STIM2: variants seen among roughly 807,000 people sequenced by gnomAD.
The protein encoded by STIM2 is stromal interaction molecule 2.
In STIM2, 31 loss-of-function variants were observed where a neutral mutation model predicts 85.8. The ratio of observed to expected loss-of-function variants is 0.36; its 90% confidence interval spans 0.27 to 0.49. The LOEUF (loss-of-function observed/expected upper bound fraction) is 0.49, where lower values mean the gene tolerates loss of function less well. STIM2 is among the 20% of genes least tolerant of loss of function. The pLI, the probability that STIM2 is intolerant of heterozygous loss-of-function variation, is 0.98. For synonymous variants in STIM2, 356 were observed against 331.1 expected, an observed-to-expected ratio of 1.08 and a Z score of -0.82; for missense variants, 841 against 927.6, an observed-to-expected ratio of 0.91 and a Z score of 1.21.
chr4:26,892,933 C>T (rs1238938337), intron 1 of STIM2, among the ~76,000 whole-genome samples: 1 of 152,188 alleles, frequency 6.6e-6, no homozygotes, highest in African/African-American at 2.4e-5. Flanking sequence ...AGTGAAACCA[C>T]ATCTGGTACA....
rs554645400 is a variant in STIM2 at position 26,893,204 on chromosome 4, C to T, written c.152-26300C>T. 1.4e-4 allele frequency among the ~76,000 whole-genome samples: 21 copies of T among 152,268 alleles called. No homozygotes were observed. The East Asian group carries it at 2.9e-3, about 21-fold the overall frequency. ...ATGAATAATAAAGGGAACCATTAAA[C>T]CACCTTCAGGTCATGAAATAGAACT... On this transcript the variant is annotated intron_variant, in intron 1 of 11. Transcript: ENST00000467087.
chr4:26,941,507 G>A (rs1385207810), intron 2 of STIM2, among the ~76,000 whole-genome samples: 4 of 152,090 alleles, frequency 2.6e-5, no homozygotes, highest in African/African-American at 9.7e-5. Flanking sequence ...ATTATAAGCA[G>A]AAGGCCTAAT....
In STIM2 at chr4:27,023,103, T is replaced by TTCC; in HGVS notation, c.*108_*109insCCT. The TTCC allele has an allele frequency of 9.0e-7, 1 of 1,113,932 alleles. No homozygotes were observed. The allele number at this position is 1,113,932 out of a possible 1,614,324, so 69.0% of individuals were successfully genotyped here. A position where few individuals can be genotyped will look rare whatever the true frequency, so the allele number is the denominator to read the frequency against. On this transcript the variant is annotated 3_prime_UTR_variant, in exon 12 of 12. Coordinates refer to ENST00000467087, the MANE Select transcript of STIM2 (RefSeq NM_020860.4). ...GTTTAATTTTAGGAATGTAACTCCA[T>TTCC]TGGGGCTTTCCAGGCCGGATGCCAT...
Position 27,002,332 on chromosome 4 carries a change from A to C in STIM2, c.741A>C (p.Lys247Asn). ...AGACATCAAAAGAACATGTTGCAAAAATGATGAAAGATTTAGAGAGCTTAC... is the reference window on the plus strand; with the variant it reads ...AGACATCAAAAGAACATGTTGCAAACATGATGAAAGATTTAGAGAGCTTAC... Residue 247 changes from lysine to asparagine, a missense_variant, in exon 6 of 12, where the codon AAA becomes AAC. By Grantham distance (94) the Lys-to-Asn change is moderately conservative (BLOSUM62 0). Around this residue, in one of 3 missense-constraint regions of STIM2, gnomAD observed 408 missense variants for 525.4 expected, o/e 0.78. Coordinates refer to ENST00000467087, the MANE Select transcript of STIM2 (RefSeq NM_020860.4). 1 of 1,613,566 alleles carries C rather than the reference A, an allele frequency of 6.2e-7. No individual in the cohort carries two copies.
intron 9 of STIM2, 72 bp from the exon 10 acceptor site, chr4:27,008,692 G>A: frequency 1.4e-6 from 2 of 1,426,146 alleles, no homozygotes; most frequent in Non-Finnish European, 2.0e-6. Context: ...GTCTGTTCAT[G>A]TATTGCCTTT....
intron 10 of STIM2, among the ~76,000 whole-genome samples, chr4:27,016,191 C>A (rs1021891006): frequency 6.6e-6 from 1 of 151,870 alleles, no homozygotes; most frequent in Non-Finnish European, 1.5e-5. Flanking sequence ...GCTTTCTTTT[C>A]TCATATTTTC....
Position 27,008,803 on chromosome 4 carries a change from A to G in STIM2, c.1290A>G (p.Arg430=). The G allele has an allele frequency of 6.2e-7, 1 of 1,614,164 alleles. No homozygotes were observed. Among genetic ancestry groups the G allele is most frequent in the Non-Finnish European group, 8.5e-7 (1 of 1,180,020 alleles). The change falls in exon 10 of 12, where the codon CGA becomes CGG. Residue 430 remains arginine, a synonymous_variant. Coordinates refer to ENST00000467087, the MANE Select transcript of STIM2 (RefSeq NM_020860.4). The stretch of plus-strand genomic sequence containing the variant: ...AGTTGACAACTTGTTTACGAGAACG[A>G]CTTTTTCGCTGGCAACAAATTGAGA...
chr4:27,009,012 A>T lies in STIM2; in HGVS notation c.1489+10A>T. 1 of 1,605,730 alleles carries T rather than the reference A, an allele frequency of 6.2e-7. No individual in the cohort carries two copies. The highest frequency in any genetic ancestry group is 8.5e-7 in the Non-Finnish European group (1 of 1,174,382). On this transcript the variant is annotated intron_variant, in intron 10 of 11. Transcript: ENST00000467087. ...GTGTCACAATTTCCCGGTAAGTGGC[A>T]ATTTCAACAAAAATTGTTGGTACAG...
Position 27,022,681 on chromosome 4 carries a change from A to T in STIM2, c.1926A>T (p.Val642=). ...ATTCCTCCCGAGGGGATTCGCCTGT[A>T]ACTGTGGATGTGTCTTGGGGTTCTC... The change falls in exon 12 of 12, where the codon GTA becomes GTT. Residue 642 remains valine (V), a synonymous_variant. Coordinates refer to ENST00000467087, the MANE Select transcript of STIM2 (RefSeq NM_020860.4). The T allele has an allele frequency of 6.2e-7, 1 of 1,614,210 alleles. No individual in the cohort carries two copies. The highest frequency in any genetic ancestry group is 8.5e-7 in the Non-Finnish European group (1 of 1,180,028).
At chr4:26,881,911 T>C (rs1045104116) in intron 1 of STIM2, among the ~76,000 whole-genome samples, 4 of 152,220 alleles carry the variant, frequency 2.6e-5, no homozygotes, top group African/African-American at 9.6e-5. Context: ...CCTAGAAGCA[T>C]ACTATTAAGT....
At chr4:27,010,606 G>A (rs1728525476) in intron 10 of STIM2, among the ~76,000 whole-genome samples, 1 of 152,104 alleles carries the variant, frequency 6.6e-6, no homozygotes, top group Admixed American at 6.5e-5. Flanking sequence ...TGATAAATGG[G>A]AAACTCTCGG....
chr4:26,952,478 G>A (rs916368807), intron 2 of STIM2, among the ~76,000 whole-genome samples: 15 of 152,090 alleles, frequency 9.9e-5, no homozygotes, highest in Non-Finnish European at 1.5e-4. Context: ...ATTGAGTGTC[G>A]ACTATGTACC....
intron 1 of STIM2, among the ~76,000 whole-genome samples, chr4:26,877,929 T>G (rs1303094403): frequency 6.6e-6 from 1 of 152,144 alleles, no homozygotes; most frequent in East Asian, 1.9e-4. Flanking sequence ...ATGGCTCCCT[T>G]TTGTGTCTCT....
intron 1 of STIM2, among the ~76,000 whole-genome samples, chr4:26,890,428 G>C (rs917069099): frequency 6.6e-5 from 10 of 152,152 alleles, no homozygotes; most frequent in Admixed American, 1.3e-4. Flanking sequence ...CGTGGGGCCA[G>C]ATAGCACCCA....
chr4:26,993,614 C>T (rs1475717191), intron 3 of STIM2, among the ~76,000 whole-genome samples: 1 of 152,060 alleles, frequency 6.6e-6, no homozygotes, highest in East Asian at 1.9e-4. Context: ...CTTCACTCTC[C>T]CTTGATCTCT....
intron 2 of STIM2, among the ~76,000 whole-genome samples, chr4:26,922,713 T>C (rs1724849772): frequency 6.6e-6 from 1 of 152,128 alleles, no homozygotes. Context: ...TGGGTGGGAC[T>C]TAAAGTTACA....
chr4:27,003,915 A>G (rs191684073), intron 7 of STIM2, among the ~76,000 whole-genome samples: 1 of 152,150 alleles, frequency 6.6e-6, no homozygotes. Flanking sequence ...CTGTGGTCTC[A>G]TCTCCTCCTT....
intron 1 of STIM2, among the ~76,000 whole-genome samples, chr4:26,870,073 G>T (rs1722555446): frequency 6.6e-6 from 1 of 152,096 alleles, no homozygotes; most frequent in Admixed American, 6.5e-5. Context: ...GACAAATACT[G>T]CATGGAATCT....
chr4:27,007,158 A>C (rs1728392183), intron 7 of STIM2, among the ~76,000 whole-genome samples: 1 of 151,932 alleles, frequency 6.6e-6, no homozygotes, highest in Non-Finnish European at 1.5e-5. Flanking sequence ...GATCAGTTTT[A>C]ATTTGTATAT....
Sources: allele counts gnomAD v4.1 joint callset (sites outside exome capture counted in the v4.1 genomes callset), GRCh38; gene constraint gnomAD v4.1.1; regional missense constraint gnomAD v4.1.1; transcripts MANE v1.5; gene names NCBI Gene and HGNC (gene_info 2026-07-23, HGNC 2026-07-21).